Variants in RAD51B observed in about 807,000 individuals in gnomAD.
RAD51B encodes DNA repair protein RAD51 homolog 2.
A neutral mutation model predicts 42.2 loss-of-function variants in RAD51B; 38 were observed. The ratio of observed to expected loss-of-function variants is 0.90; its 90% CI spans 0.70 to 1.18. The LOEUF is 1.18. Ranked by LOEUF, RAD51B falls within the 50% of genes most tolerant of loss-of-function variation. The pLI, the probability that RAD51B is intolerant of heterozygous loss-of-function variation, is 0.00. For synonymous variants in RAD51B, 154 were observed against 145.2 expected, an observed-to-expected ratio of 1.06 and a Z score of -0.43; for missense variants, 373 against 400.7, an observed-to-expected ratio of 0.93 and a Z score of 0.59.
chr14:68,499,245 G>A (rs1345656061), intron 10 of RAD51B, among the ~76,000 whole-genome samples: 1 of 152,192 alleles, frequency 6.6e-6, no homozygotes. Flanking sequence ...ACTCAGCACA[G>A]ACTTGAGTCC....
At chr14:68,593,306 A>G (rs1344054450) in intron 10 of RAD51B, among the ~76,000 whole-genome samples, 1 of 152,222 alleles carries the variant, frequency 6.6e-6, no homozygotes, top group Non-Finnish European at 1.5e-5. Context: ...TAAGGACTAA[A>G]TGAGTTAATA....
At chr14:67,867,376 G>C (rs2042363195) in intron 5 of RAD51B, among the ~76,000 whole-genome samples, 1 of 152,190 alleles carries the variant, frequency 6.6e-6, no homozygotes, top group Non-Finnish European at 1.5e-5. Flanking sequence ...CTGGCACTGG[G>C]TCACTCAGGT....
chr14:68,610,002 C>T (rs114224416), intron 10 of RAD51B, among the ~76,000 whole-genome samples: 1,542 of 152,178 alleles, frequency 0.01, 28 homozygotes, highest in African/African-American at 0.035. Context: ...CTCTCTCCTC[C>T]GCGTCCACAT....
At chr14:68,334,356 C>T (rs1432836891) in intron 8 of RAD51B, among the ~76,000 whole-genome samples, 2 of 152,062 alleles carry the variant, frequency 1.3e-5, no homozygotes, top group Non-Finnish European at 2.9e-5. Flanking sequence ...TTAAGAAAAT[C>T]ATAAGGAAGA....
At chr14:68,093,260 G>T (rs2077134644) in intron 7 of RAD51B, among the ~76,000 whole-genome samples, 1 of 152,202 alleles carries the variant, frequency 6.6e-6, no homozygotes, top group Non-Finnish European at 1.5e-5. Context: ...GATAGGAATA[G>T]TTTCAGAAGG....
At chr14:67,997,377 G>A (rs2075402973) in intron 7 of RAD51B, among the ~76,000 whole-genome samples, 1 of 152,146 alleles carries the variant, frequency 6.6e-6, no homozygotes, top group Non-Finnish European at 1.5e-5. Context: ...ATGAAATCAA[G>A]AGTATAGTAT....
chr14:68,316,413 G>A (rs1359033922), intron 8 of RAD51B, among the ~76,000 whole-genome samples: 1 of 151,762 alleles, frequency 6.6e-6, no homozygotes, highest in Non-Finnish European at 1.5e-5. Context: ...TTTGATGGTG[G>A]CCTTTGGAGA....
At chr14:68,061,019 C>G (rs1209141080) in intron 7 of RAD51B, among the ~76,000 whole-genome samples, 6 of 123,426 alleles carry the variant, frequency 4.9e-5, no homozygotes, top group Admixed American at 2.4e-4. Flanking sequence ...AAGCTTTGTT[C>G]TTTCTGCTCA....
At chr14:68,636,639 A>G (rs1476499773) in intron 10 of RAD51B, among the ~76,000 whole-genome samples, 1 of 151,666 alleles carries the variant, frequency 6.6e-6, no homozygotes. Flanking sequence ...GTTCTGGACC[A>G]GGCATTGGAA....
chr14:68,329,616 G>C (rs937895482), intron 8 of RAD51B, among the ~76,000 whole-genome samples: 6 of 152,158 alleles, frequency 3.9e-5, no homozygotes, highest in African/African-American at 1.4e-4. Context: ...ACCCTGTAGA[G>C]GCTGGTTTTT....
At chr14:68,093,512 T>G (rs900419904) in intron 7 of RAD51B, among the ~76,000 whole-genome samples, 1 of 152,226 alleles carries the variant, frequency 6.6e-6, no homozygotes, top group Non-Finnish European at 1.5e-5. Flanking sequence ...TATTCTCTGA[T>G]GTTAGTTTGT....
intron 7 of RAD51B, among the ~76,000 whole-genome samples, chr14:67,987,323 A>G (rs777517083): frequency 1.3e-5 from 2 of 151,600 alleles, no homozygotes; most frequent in African/African-American, 2.4e-5. Context: ...AACCATTTCC[A>G]CCTCCCGCTA....
intron 7 of RAD51B, among the ~76,000 whole-genome samples, chr14:67,907,579 T>G (rs1232133067): frequency 2.0e-5 from 3 of 151,924 alleles, no homozygotes; most frequent in Non-Finnish European, 2.9e-5. Flanking sequence ...CTGCTGGGGG[T>G]CCAGCTGGAA....
intron 10 of RAD51B, among the ~76,000 whole-genome samples, chr14:68,647,183 C>A (rs980902587): frequency 1.3e-5 from 2 of 152,170 alleles, no homozygotes; most frequent in African/African-American, 2.4e-5. Flanking sequence ...TGATTTTTTT[C>A]ATTCTTTTAT....
rs8017007 is a variant in RAD51B at position 67,886,188 on chromosome 14, G to A, written c.572+200G>A. On this transcript the variant is annotated intron_variant, in intron 6 of 10. Coordinates refer to ENST00000471583, the MANE Select transcript of RAD51B (RefSeq NM_133510.4). The stretch of plus-strand genomic sequence containing the variant: ...AAAAATTAAATGAATAAAATGTTCT[G>A]TATTTAATTAATTAAGTGGTGTATT... Among the ~76,000 whole-genome samples the A allele has an allele frequency of 0.42, 63,133 of 151,996 alleles. 14,270 individuals carry two copies. The highest frequency in any genetic ancestry group is 0.57 in the African/African-American group (23,636 of 41,446).
At chr14:67,967,750 G>A (rs1032327295) in intron 7 of RAD51B, among the ~76,000 whole-genome samples, 1 of 152,170 alleles carries the variant, frequency 6.6e-6, no homozygotes, top group East Asian at 1.9e-4. Context: ...TTCACAGGCT[G>A]GTGTTGAGTG....
intron 7 of RAD51B, among the ~76,000 whole-genome samples, chr14:68,277,739 T>G (rs1260599102): frequency 4.0e-5 from 6 of 151,608 alleles, no homozygotes; most frequent in Admixed American, 1.3e-4. Context: ...GTTCTGGGGG[T>G]TTTTTTTGTT....
At chr14:67,917,125 T>A (rs2044176595) in intron 7 of RAD51B, among the ~76,000 whole-genome samples, 1 of 152,144 alleles carries the variant, frequency 6.6e-6, no homozygotes, top group South Asian at 2.1e-4. Context: ...GCATTAAGAA[T>A]AAAATAAAGG....
intron 10 of RAD51B, among the ~76,000 whole-genome samples, chr14:68,493,801 C>T (rs988015986): frequency 6.6e-6 from 1 of 152,164 alleles, no homozygotes; most frequent in Non-Finnish European, 1.5e-5. Flanking sequence ...ATAAGAGTTG[C>T]CTCTAAAGGC....
Sources: gnomAD v4.1 joint callset for allele counts (sites outside exome capture counted in the v4.1 genomes callset) on GRCh38, gnomAD v4.1.1 for gene constraint, MANE v1.5 for transcripts, NCBI Gene and HGNC (gene_info 2026-07-23, HGNC 2026-07-21) for gene names.